Variants in GTF2IRD2B observed in about 807,000 individuals in gnomAD.
GTF2IRD2B encodes general transcription factor II-I repeat domain-containing protein 2B.
Under a neutral mutation model 55.6 loss-of-function variants are expected in GTF2IRD2B, and 10 were observed. The ratio of observed to expected loss-of-function variants is 0.18; its 90% confidence interval spans 0.11 to 0.31. The LOEUF is 0.31. Among genes scored for constraint, GTF2IRD2B ranks in the 10% least tolerant of loss-of-function variants. GTF2IRD2B has a pLI of 1.00. For missense variants in GTF2IRD2B, 206 were observed against 802.7 expected, an observed-to-expected ratio of 0.26 and a Z score of 8.98; for synonymous variants, 107 against 320.5, an observed-to-expected ratio of 0.33 and a Z score of 7.12.
chr7:75,146,932 A>G (rs1306983097), intron 15 of GTF2IRD2B: 5 of 154,662 alleles, frequency 3.2e-5, no homozygotes, highest in African/African-American at 1.2e-4. Context: ...CTCCAGCTCT[A>G]CAAAAAAAAG....
intron 1 of GTF2IRD2B, among the ~76,000 whole-genome samples, chr7:75,093,260 GT>G (rs1807323788): frequency 6.6e-6 from 1 of 151,802 alleles, no homozygotes; most frequent in African/African-American, 2.4e-5. Flanking sequence ...CCGGGGATCT[GT>G]TTGTTGGCGG....
rs9769361 is a variant in GTF2IRD2B at position 75,121,749 on chromosome 7, G to A, written c.358+739G>A. On this transcript the variant is annotated intron_variant, in intron 4 of 15. Coordinates refer to ENST00000472837, the MANE Select transcript of GTF2IRD2B (RefSeq NM_001003795.3). ...GCTGAGATTACAGGTGTGAGCCGCC[G>A]TGCCTGGCCACCAGTTCTTTTTTTT... Among the ~76,000 whole-genome samples the A allele has an allele frequency of 3.1e-3, 464 of 150,192 alleles. 6 individuals carry two copies. The highest frequency in any genetic ancestry group is 0.01 in the African/African-American group (421 of 40,914).
intron 12 of GTF2IRD2B, among the ~76,000 whole-genome samples, chr7:75,140,550 TGAG>T (rs1808982571): frequency 2.6e-5 from 1 of 38,998 alleles, no homozygotes; most frequent in Non-Finnish European, 7.8e-5. Flanking sequence ...TTTTTTTTTT[TGAG>T]ACGGAGTCTT....
chr7:75,105,191 A>G (rs1356707542), intron 1 of GTF2IRD2B, among the ~76,000 whole-genome samples: 5 of 151,660 alleles, frequency 3.3e-5, no homozygotes, highest in African/African-American at 9.7e-5. Flanking sequence ...CTGTCTCAAA[A>G]CAAAAAACAA....
Position 75,120,826 on chromosome 7 carries a change from C to T in GTF2IRD2B, c.239-65C>T, listed in dbSNP as rs1251580675. The T allele has an allele frequency of 3.2e-6, 5 of 1,564,910 alleles. No individual in the cohort carries two copies. The East Asian group carries it at 1.1e-4, about 35-fold the overall frequency. ...CCCTTTTTTCTTTCAATACCAGAAA[C>T]AAAGTACGGAAGTGTACAGCACAAA... On this transcript the variant is annotated intron_variant, in intron 3 of 15. Coordinates refer to ENST00000472837, the MANE Select transcript of GTF2IRD2B (RefSeq NM_001003795.3).
chr7:75,112,677 T>C, intron 3 of GTF2IRD2B, 142 bp downstream of exon 3: 1 of 1,594,056 alleles, frequency 6.3e-7, no homozygotes, highest in Non-Finnish European at 8.5e-7. Context: ...GCTTACCAAA[T>C]AAATACTGCC....
intron 6 of GTF2IRD2B, chr7:75,123,811 G>C: frequency 2.4e-6 from 1 of 411,618 alleles, no homozygotes; most frequent in Non-Finnish European, 4.6e-6. Context: ...CCGGGAGGTG[G>C]AGCTTGCAGT....
At chr7:75,104,779 C>G (rs1272173083) in intron 1 of GTF2IRD2B, among the ~76,000 whole-genome samples, 1 of 152,264 alleles carries the variant, frequency 6.6e-6, no homozygotes, top group Non-Finnish European at 1.5e-5. Context: ...CTTTCTAGGA[C>G]CTACGCGTCT....
rs1554454629 is a variant in GTF2IRD2B, at chr7:75,148,677, C to T, written c.2230C>T (p.Leu744=). Residue 744 remains leucine (L), a synonymous_variant, in exon 16 of 16, where the codon CTG becomes TTG. Coordinates refer to ENST00000472837, the MANE Select transcript of GTF2IRD2B (RefSeq NM_001003795.3). ...MSSRGKPLPQ[L]SSIDWIRDLA... is the part of the protein sequence containing the mutation. ...ATCCAGAGGGAAACCCCTGCCTCAA[C>T]TGAGCTCCATAGATTGGATCCGAGA... 1 of 719,470 alleles carries T rather than the reference C, an allele frequency of 1.4e-6. No individual in the cohort carries two copies. Among genetic ancestry groups the T allele is most frequent in the East Asian group, 2.6e-5 (1 of 38,632 alleles). 44.6% of individuals were successfully genotyped at this position (719,470 alleles called of 1,614,324 possible). A position where few individuals can be genotyped will look rare whatever the true frequency, so the allele number is the denominator to read the frequency against.
At chr7:75,117,891 T>G (rs2115756427) in intron 3 of GTF2IRD2B, among the ~76,000 whole-genome samples, 1 of 152,376 alleles carries the variant, frequency 6.6e-6, no homozygotes, top group East Asian at 1.9e-4. Flanking sequence ...GAAACCAGCC[T>G]GGCCAACATG....
intron 1 of GTF2IRD2B, among the ~76,000 whole-genome samples, chr7:75,101,910 A>AG (rs1421399513): frequency 5.3e-5 from 8 of 150,558 alleles, no homozygotes; most frequent in Non-Finnish European, 8.9e-5. Context: ...AAAAAAAAAA[A>AG]AAAGAAAATT....
intron 1 of GTF2IRD2B, among the ~76,000 whole-genome samples, 186 bp from the exon 2 acceptor site, chr7:75,108,769 CAAAAT>C (rs1219134110): frequency 2.6e-5 from 1 of 38,596 alleles, no homozygotes; most frequent in Non-Finnish European, 7.5e-5. Context: ...CAAAATAAAA[CAAAAT>C]AAAATAAAAT....
At position 75,149,289 on chromosome 7, in the gene GTF2IRD2B, G is replaced by C. The variant is rs1554532427; in HGVS notation, c.2842G>C (p.Ala948Pro). The C allele has an allele frequency of 1.3e-6, 1 of 756,732 alleles. No homozygotes were observed. Among genetic ancestry groups the C allele is most frequent in the Admixed American group, 1.8e-5 (1 of 54,206 alleles). 46.9% of individuals were successfully genotyped at this position (756,732 alleles called of 1,614,324 possible). Residue 948 changes from alanine to proline, a missense_variant, in exon 16 of 16, where the codon GCA becomes CCA. Physicochemically the swap from Ala to Pro is conservative, Grantham distance 27. Transcript: ENST00000472837. The stretch of plus-strand genomic sequence containing the variant: ...CCAGTGGGATTCTGTACTCCACATC[G>C]CAACGTGATGGAGAGAAAACTCCTG... The part of the protein sequence containing the change: ...DSQWDSVLHI[A>P]T
At chr7:75,122,895 A>G (rs1349640429) in intron 4 of GTF2IRD2B, among the ~76,000 whole-genome samples, 1 of 149,334 alleles carries the variant, frequency 6.7e-6, no homozygotes, top group Non-Finnish European at 1.5e-5. Flanking sequence ...TAAAATACAA[A>G]AGAAATTAGC....
intron 1 of GTF2IRD2B, among the ~76,000 whole-genome samples, chr7:75,105,348 A>G (rs1369688376): frequency 6.6e-6 from 1 of 152,304 alleles, no homozygotes; most frequent in Admixed American, 6.5e-5. Context: ...CACCAAAAAT[A>G]CAAAAATTAG....
At chr7:75,126,767 C>T (rs587634195) in intron 8 of GTF2IRD2B, among the ~76,000 whole-genome samples, 24 of 150,108 alleles carry the variant, frequency 1.6e-4, no homozygotes, top group Admixed American at 9.3e-4. Context: ...GAGGCTGAGG[C>T]GGACAGATCG....
At chr7:75,092,902 C>T (rs1807295830) in intron 1 of GTF2IRD2B, 137 bp downstream of exon 1, 1 of 151,884 alleles carries the variant, frequency 6.6e-6, no homozygotes, top group Non-Finnish European at 1.5e-5. Context: ...CCGGGACACC[C>T]CGGCGCCCCG....
In GTF2IRD2B at chr7:75,132,096, G is replaced by A. The variant is rs369267586; in HGVS notation, c.671-1039G>A. Among the ~76,000 whole-genome samples, 5 of 145,562 alleles carry A rather than the reference G, an allele frequency of 3.4e-5. No homozygotes were observed. The South Asian group carries it at 8.3e-4, about 24-fold the overall frequency. ...AGATTATAAGTGCCTAGCCGGGCAC[G>A]GTGGCTTATGCCTGTAATCCCAGCA... On this transcript the variant is annotated intron_variant, in intron 8 of 15. Transcript: ENST00000472837.
intron 1 of GTF2IRD2B, among the ~76,000 whole-genome samples, chr7:75,104,639 C>G (rs1484737128): frequency 2.0e-4 from 31 of 152,262 alleles, no homozygotes; most frequent in Admixed American, 1.8e-3. Context: ...TCTGAGCTTC[C>G]AAAAGAATCA....
Sources: allele counts gnomAD v4.1 joint callset (sites outside exome capture counted in the v4.1 genomes callset), GRCh38; gene constraint gnomAD v4.1.1; transcripts MANE v1.5; gene names NCBI Gene and HGNC (gene_info 2026-07-23, HGNC 2026-07-21).